Variants in EPHB1 observed in about 807,000 individuals in gnomAD.
The protein encoded by EPHB1 is EPH receptor B1.
A neutral mutation model predicts 94.4 loss-of-function variants in EPHB1; 30 were observed. That is an observed-to-expected ratio of 0.32 (90% confidence interval 0.24 to 0.43). EPHB1 has a LOEUF of 0.43. Among genes scored for constraint, EPHB1 ranks in the 20% least tolerant of loss-of-function variants. The pLI is 1.00. For missense variants in EPHB1, 1,055 were observed against 1,308.3 expected (o/e 0.81, Z 2.99); for synonymous variants, 522 against 489.1 (o/e 1.07, Z -0.89).
At chr3:134,803,270 C>G (rs1302107606) in intron 1 of EPHB1, among the ~76,000 whole-genome samples, 1 of 152,206 alleles carries the variant, frequency 6.6e-6, no homozygotes, top group Non-Finnish European at 1.5e-5. Flanking sequence ...TGAATTTAAC[C>G]TCCTTGCTCT....
intron 3 of EPHB1, among the ~76,000 whole-genome samples, chr3:135,064,617 C>G (rs1382000194): frequency 6.6e-6 from 1 of 151,992 alleles, no homozygotes; most frequent in Non-Finnish European, 1.5e-5. Context: ...TGCTAATGGT[C>G]TATCAATTTT....
intron 3 of EPHB1, among the ~76,000 whole-genome samples, chr3:134,993,565 C>T (rs188157258): frequency 1.3e-5 from 2 of 152,274 alleles, no homozygotes; most frequent in African/African-American, 2.4e-5. Context: ...GGCCCCAGTA[C>T]AAGGAGCCCA....
At chr3:134,981,552 A>G (rs1406447590) in intron 3 of EPHB1, among the ~76,000 whole-genome samples, 1 of 152,244 alleles carries the variant, frequency 6.6e-6, no homozygotes, top group African/African-American at 2.4e-5. Flanking sequence ...GTTTTACCAT[A>G]TACTGGAACA....
intron 1 of EPHB1, among the ~76,000 whole-genome samples, chr3:134,848,000 T>C (rs1421653221): frequency 6.6e-6 from 1 of 152,188 alleles, no homozygotes; most frequent in Non-Finnish European, 1.5e-5. Context: ...TTCAGAGAGA[T>C]GCAAAGTTGA....
intron 3 of EPHB1, among the ~76,000 whole-genome samples, chr3:135,093,288 A>G (rs889042566): frequency 6.6e-6 from 1 of 152,080 alleles, no homozygotes; most frequent in Non-Finnish European, 1.5e-5. Flanking sequence ...CTTCTGTGCC[A>G]ACTCCCAGGC....
intron 3 of EPHB1, among the ~76,000 whole-genome samples, chr3:135,080,557 G>A (rs1299404950): frequency 1.3e-5 from 2 of 152,128 alleles, no homozygotes. Context: ...TGAGGAGAGA[G>A]TGGTCCTGGA....
intron 1 of EPHB1, among the ~76,000 whole-genome samples, chr3:134,864,488 CCT>C (rs1380013365): frequency 6.6e-6 from 1 of 152,152 alleles, no homozygotes; most frequent in African/African-American, 2.4e-5. Flanking sequence ...GAATGACAAT[CCT>C]CTCTCATTCT....
intron 1 of EPHB1, among the ~76,000 whole-genome samples, chr3:134,881,183 A>T (rs1050952863): frequency 6.6e-6 from 1 of 152,114 alleles, no homozygotes; most frequent in Non-Finnish European, 1.5e-5. Flanking sequence ...GAGCCCTTGT[A>T]TGCTGTTTCC....
rs529707784 is a variant in EPHB1 at position 135,014,566 on chromosome 3, G to A, written c.805+62514G>A. Among the ~76,000 whole-genome samples the A allele has an allele frequency of 1.4e-4, 22 of 152,336 alleles. 1 individual carries two copies. In the South Asian group the frequency reaches 2.9e-3, roughly 20 times the overall value. On this transcript the variant is annotated intron_variant, in intron 3 of 15. Transcript: ENST00000398015. ...CTGATAAATGTTTAATTTTAATGCA[G>A]CAAATTGGCTATTGAGTGTGTGCTG...
chr3:134,988,149 C>G (rs1934668581), intron 3 of EPHB1, among the ~76,000 whole-genome samples: 1 of 152,160 alleles, frequency 6.6e-6, no homozygotes, highest in South Asian at 2.1e-4. Flanking sequence ...GGGAGGAAGG[C>G]CCAAGTCCTT....
At chr3:135,114,767 A>AAATAAATC in intron 4 of EPHB1, among the ~76,000 whole-genome samples, 1 of 148,590 alleles carries the variant, frequency 6.7e-6, no homozygotes, top group Non-Finnish European at 1.5e-5. Flanking sequence ...ATAAATAAAT[A>AAATAAATC]AAACAATATT....
rs2107687355 is a variant in EPHB1, at chr3:135,132,868, C to T, written c.1116C>T (p.Arg372=). Residue 372 remains arginine (R), a synonymous_variant, in exon 5 of 16, where the codon CGC becomes CGT. Transcript: ENST00000398015. Reference sequence around the variant, plus strand: ...GGGCAGACCGCCGGAGCTGCTCCCGCTGTGACGACAATGTGGAGTTTGTGC... The same window carrying T: ...GGGCAGACCGCCGGAGCTGCTCCCGTTGTGACGACAATGTGGAGTTTGTGC... ...KCRADRRSCS[R]CDDNVEFVPR... is the part of the protein sequence containing the mutation. 6.2e-7 allele frequency: 1 copy of T among 1,614,084 alleles called. No homozygotes were observed. The highest frequency in any genetic ancestry group is 8.5e-7 in the Non-Finnish European group (1 of 1,179,902).
Position 134,951,628 on chromosome 3 carries a change from C to A in EPHB1, c.381C>A (p.Ala127=), listed in dbSNP as rs1321492291. The change falls in exon 3 of 16, where the codon GCC becomes GCA. Residue 127 remains alanine, a synonymous_variant. Coordinates refer to ENST00000398015, the MANE Select transcript of EPHB1 (RefSeq NM_004441.5). The surrounding 1 kb of genome is among the most constrained non-coding windows in gnomAD (Gnocchi z 4.5). ...TDSVIATKKS[A]FWSEAPYLKV... ...CTGTCATTGCCACCAAGAAGTCAGC[C>A]TTCTGGTCTGAGGCCCCCTACCTCA... 9.9e-6 allele frequency: 16 copies of A among 1,613,992 alleles called. No homozygotes were observed. Among genetic ancestry groups the A allele is most frequent in the Non-Finnish European group, 1.4e-5 (16 of 1,180,006 alleles).
At chr3:134,824,081 ATTTCTCTGAGT>A (rs2036430321) in intron 1 of EPHB1, among the ~76,000 whole-genome samples, 1 of 145,790 alleles carries the variant, frequency 6.9e-6, no homozygotes, top group Non-Finnish European at 1.5e-5. Context: ...AACAAATACA[ATTTCTCTGAGT>A]TTTCTCTGAA....
intron 3 of EPHB1, among the ~76,000 whole-genome samples, chr3:135,017,294 G>A (rs1018866198): frequency 3.3e-5 from 5 of 152,030 alleles, no homozygotes; most frequent in African/African-American, 1.2e-4. Context: ...GTGAAAGAAA[G>A]GGAAATTAAA....
chr3:134,859,165 A>C (rs1000488729), intron 1 of EPHB1, among the ~76,000 whole-genome samples: 1 of 152,188 alleles, frequency 6.6e-6, no homozygotes, highest in East Asian at 1.9e-4. Flanking sequence ...AGGATCTCTC[A>C]GTTAACTGGT....
At chr3:135,023,464 A>G (rs1936045625) in intron 3 of EPHB1, among the ~76,000 whole-genome samples, 1 of 152,186 alleles carries the variant, frequency 6.6e-6, no homozygotes, top group Non-Finnish European at 1.5e-5. Flanking sequence ...GACAGCCAAA[A>G]TATCTCCAGA....
intron 3 of EPHB1, among the ~76,000 whole-genome samples, chr3:135,061,145 A>G (rs2400399): frequency 0.86 from 131,456 of 152,154 alleles, 57,130 homozygotes; most frequent in Admixed American, 0.92. Context: ...AAAAATTTCC[A>G]TAGGTTATTG....
At chr3:135,031,570 A>G (rs115668387) in intron 3 of EPHB1, among the ~76,000 whole-genome samples, 410 of 152,296 alleles carry the variant, frequency 2.7e-3, no homozygotes, top group Non-Finnish European at 5.0e-3. Flanking sequence ...TGGATCTCCC[A>G]AATTGCCGGG....
Sources: allele counts gnomAD v4.1 joint callset (sites outside exome capture counted in the v4.1 genomes callset), GRCh38; gene constraint gnomAD v4.1.1; non-coding constraint Gnocchi (gnomAD v3.1); transcripts MANE v1.5; gene names NCBI Gene and HGNC (gene_info 2026-07-23, HGNC 2026-07-21).